The following OGDH variants were observed in gnomAD, a reference collection of about 807,000 sequenced individuals.
The protein encoded by OGDH is 2-oxoglutarate dehydrogenase complex component E1.
Under a neutral mutation model 116.6 loss-of-function variants are expected in OGDH, and 38 were observed. That is an observed-to-expected ratio of 0.33 (90% CI 0.25 to 0.43). The LOEUF (loss-of-function observed/expected upper bound fraction) is 0.43. Ranked by LOEUF, OGDH falls within the 20% of genes least tolerant of loss-of-function variation. The pLI, the probability that OGDH is intolerant of heterozygous loss-of-function variation, is 1.00. For missense variants in OGDH, 825 were observed against 1,357.2 expected, an observed-to-expected ratio of 0.61 and a Z score of 6.16; for synonymous variants, 488 against 533.3, an observed-to-expected ratio of 0.92 and a Z score of 1.17.
intron 20 of OGDH, among the ~76,000 whole-genome samples, chr7:44,706,098 C>T (rs1312887045): frequency 2.6e-5 from 4 of 152,076 alleles, no homozygotes; most frequent in Admixed American, 6.5e-5. Flanking sequence ...TGTGCACCAC[C>T]GTGCCTGGCT....
intron 4 of OGDH, among the ~76,000 whole-genome samples, chr7:44,651,691 A>G (rs1246883304): frequency 2.0e-5 from 3 of 151,882 alleles, no homozygotes; most frequent in African/African-American, 7.3e-5. Context: ...CCTCCTGAGT[A>G]GCTGGGATTA....
chr7:44,650,177 G>A (rs1402165516), intron 4 of OGDH, among the ~76,000 whole-genome samples: 4 of 152,148 alleles, frequency 2.6e-5, no homozygotes, highest in East Asian at 3.8e-4. Flanking sequence ...TGGAAACCGC[G>A]TAAACTTGTT....
intron 3 of OGDH, 70 bp from the exon 4 acceptor site, chr7:44,647,585 TAC>T: frequency 1.3e-6 from 2 of 1,578,288 alleles, no homozygotes; most frequent in South Asian, 1.1e-5. Context: ...ACTTTTTTTT[TAC>T]CCCTTCCCTC....
intron 4 of OGDH, among the ~76,000 whole-genome samples, chr7:44,664,997 G>C (rs370128290): frequency 6.6e-6 from 1 of 152,214 alleles, no homozygotes; most frequent in East Asian, 1.9e-4. Context: ...GACCGATATA[G>C]TTTCACAATC....
intron 1 of OGDH, among the ~76,000 whole-genome samples, chr7:44,613,572 G>A (rs1784649985): frequency 6.6e-6 from 1 of 151,822 alleles, no homozygotes; most frequent in Non-Finnish European, 1.5e-5. Context: ...TGTTAGCCAG[G>A]ATGGTCTCAA....
At chr7:44,695,343 G>T (rs1183249522) in intron 12 of OGDH, among the ~76,000 whole-genome samples, 1 of 152,104 alleles carries the variant, frequency 6.6e-6, no homozygotes, top group Non-Finnish European at 1.5e-5. Context: ...TGATCTGCCT[G>T]TCTTGGCCTC....
intron 2 of OGDH, 112 bp from the exon 3 acceptor site, chr7:44,645,215 A>T: frequency 1.0e-6 from 1 of 968,140 alleles, no homozygotes; most frequent in Non-Finnish European, 1.6e-6. Flanking sequence ...AAGCAGGCTC[A>T]GCCAGCCTAT....
intron 4 of OGDH, among the ~76,000 whole-genome samples, chr7:44,657,770 C>T (rs980494643): frequency 6.6e-6 from 1 of 152,178 alleles, no homozygotes; most frequent in Non-Finnish European, 1.5e-5. Flanking sequence ...TTGTGTTTTA[C>T]ATATAAATCT....
In OGDH at chr7:44,676,428, G is replaced by A. The variant is rs1192653164; in HGVS notation, c.1206+279G>A. On this transcript the variant is annotated intron_variant, in intron 9 of 22. Transcript: ENST00000222673. ...AAATTAGCTGGGCGTGGTGGCGCGCGCCTGTAATCCCAGCTACTCAGGAGG... is the reference window on the plus strand; with the variant it reads ...AAATTAGCTGGGCGTGGTGGCGCGCACCTGTAATCCCAGCTACTCAGGAGG... 2.0e-5 allele frequency: 11 copies of A among 544,782 alleles called. 1 individual carries two copies. Among genetic ancestry groups the A allele is most frequent in the South Asian group, 1.3e-4 (6 of 45,188 alleles). 33.7% of individuals were successfully genotyped at this position (544,782 alleles called of 1,614,324 possible). A position where few individuals can be genotyped will look rare whatever the true frequency, so the allele number is the denominator to read the frequency against.
chr7:44,664,623 G>A (rs747554235), intron 4 of OGDH, among the ~76,000 whole-genome samples: 18 of 152,114 alleles, frequency 1.2e-4, no homozygotes, highest in South Asian at 6.2e-4. Context: ...GGTGTGTTTT[G>A]CCTTGAGACC....
intron 10 of OGDH, among the ~76,000 whole-genome samples, chr7:44,692,562 G>A (rs1191559453): frequency 1.3e-5 from 2 of 152,360 alleles, no homozygotes; most frequent in South Asian, 2.1e-4. Flanking sequence ...CAAATATGGC[G>A]AAACCGTTGG....
intron 2 of OGDH, among the ~76,000 whole-genome samples, chr7:44,626,306 T>TACACACAC (rs374833881): frequency 2.5e-4 from 34 of 136,814 alleles, no homozygotes; most frequent in South Asian, 9.1e-4. Flanking sequence ...CACACACCCC[T>TACACACAC]ACACACACAC....
chr7:44,637,838 A>G (rs1212540805), intron 2 of OGDH, among the ~76,000 whole-genome samples: 2 of 151,662 alleles, frequency 1.3e-5, no homozygotes, highest in Non-Finnish European at 2.9e-5. Context: ...AAAAAATGGT[A>G]TTCATTTTTT....
intron 10 of OGDH, among the ~76,000 whole-genome samples, chr7:44,686,479 T>C (rs1273924977): frequency 6.6e-6 from 1 of 152,182 alleles, no homozygotes; most frequent in African/African-American, 2.4e-5. Flanking sequence ...ATGAGGGGTA[T>C]TGATCTTTTG....
At chr7:44,698,969 C>A (rs1788708306) in intron 18 of OGDH, among the ~76,000 whole-genome samples, 1 of 151,766 alleles carries the variant, frequency 6.6e-6, no homozygotes, top group African/African-American at 2.4e-5. Flanking sequence ...TATGGTGAAA[C>A]CCTGTCTTTA....
chr7:44,686,373 T>A (rs1310810321), intron 10 of OGDH, among the ~76,000 whole-genome samples: 1 of 152,186 alleles, frequency 6.6e-6, no homozygotes, highest in African/African-American at 2.4e-5. Context: ...GATGCTTATT[T>A]TTGTCAGTGC....
chr7:44,701,393 TCTGCCTCTTCTGAC>T, intron 19 of OGDH, 136 bp from the exon 20 acceptor site: 1 of 655,520 alleles, frequency 1.5e-6, no homozygotes, highest in Admixed American at 2.5e-5. Flanking sequence ...TCCCTCCTTC[TCTGCCTCTTCTGAC>T]CTGAGGCTCC....
intron 9 of OGDH, chr7:44,676,458 G>A (rs934063513): frequency 7.0e-6 from 3 of 430,740 alleles, no homozygotes; most frequent in East Asian, 5.0e-5. Context: ...AGGAGGCTGA[G>A]GCAGGAGAAT....
At chr7:44,703,219 G>A (rs150009228) in intron 20 of OGDH, among the ~76,000 whole-genome samples, 1,830 of 151,624 alleles carry the variant, frequency 0.012, 15 homozygotes, top group Admixed American at 0.02. Flanking sequence ...AGTTTGAGAC[G>A]AGCCTGGCCA....
Sources: gnomAD v4.1 joint callset for allele counts (sites outside exome capture counted in the v4.1 genomes callset) on GRCh38, gnomAD v4.1.1 for gene constraint, MANE v1.5 for transcripts, NCBI Gene and HGNC (gene_info 2026-07-23, HGNC 2026-07-21) for gene names.